Variants in PTPRN2 observed in about 807,000 individuals in gnomAD.
The protein encoded by PTPRN2 is protein tyrosine phosphatase receptor type N2, also known as receptor-type tyrosine-protein phosphatase N2.
In PTPRN2, 74 loss-of-function variants were observed where a neutral mutation model predicts 118.8. The ratio of observed to expected loss-of-function variants is 0.62; its 90% CI spans 0.52 to 0.76. The LOEUF is 0.76. Ranked by LOEUF, PTPRN2 falls within the 30% of genes least tolerant of loss-of-function variation. The probability of loss-of-function intolerance (pLI) is 0.00; values close to 1 mark genes in which losing one functional copy is unlikely to be tolerated. For synonymous variants in PTPRN2, 641 were observed against 608.0 expected, an observed-to-expected ratio of 1.05 and a Z score of -0.80; for missense variants, 1,481 against 1,394.4, an observed-to-expected ratio of 1.06 and a Z score of -0.99.
chr7:158,399,739 A>T (rs1293011703), intron 2 of PTPRN2, among the ~76,000 whole-genome samples: 1 of 152,178 alleles, frequency 6.6e-6, no homozygotes, highest in Admixed American at 6.5e-5. Flanking sequence ...AAAGAAAAAA[A>T]GTGTGACAAG....
chr7:158,159,182 T>C (rs1237353110), intron 6 of PTPRN2, among the ~76,000 whole-genome samples: 1 of 149,614 alleles, frequency 6.7e-6, no homozygotes, highest in African/African-American at 2.5e-5. Flanking sequence ...GCCCGTGTGA[T>C]TGGCCGGGAC....
At chr7:157,553,628 C>T (rs981244129) in intron 21 of PTPRN2, among the ~76,000 whole-genome samples, 5 of 152,064 alleles carry the variant, frequency 3.3e-5, no homozygotes, top group African/African-American at 7.2e-5. Context: ...GAGAACCGGG[C>T]GGAAATACAA....
intron 3 of PTPRN2, among the ~76,000 whole-genome samples, chr7:158,274,504 A>G (rs1798827370): frequency 7.3e-6 from 1 of 136,366 alleles, no homozygotes; most frequent in South Asian, 2.4e-4. Context: ...GCACAGGGGG[A>G]GCCACAGGCA....
At chr7:157,551,451 G>A (rs1798592644) in intron 21 of PTPRN2, among the ~76,000 whole-genome samples, 1 of 151,844 alleles carries the variant, frequency 6.6e-6, no homozygotes, top group African/African-American at 2.4e-5. Context: ...CCAAAGGAAG[G>A]CCGCTGGCCA....
chr7:158,274,323 A>G (rs1798790636), intron 3 of PTPRN2, among the ~76,000 whole-genome samples: 1 of 102,086 alleles, frequency 9.8e-6, no homozygotes, highest in Non-Finnish European at 1.9e-5. Flanking sequence ...CCGCAGCCAC[A>G]GGGGGAGCCG....
intron 11 of PTPRN2, among the ~76,000 whole-genome samples, chr7:157,908,770 T>A (rs1055200355): frequency 1.3e-5 from 2 of 152,250 alleles, no homozygotes; most frequent in African/African-American, 4.8e-5. Flanking sequence ...ATTTAAATAC[T>A]TTTGATTGAA....
At chr7:158,020,143 G>C (rs1806763298) in intron 11 of PTPRN2, among the ~76,000 whole-genome samples, 1 of 152,230 alleles carries the variant, frequency 6.6e-6, no homozygotes, top group Non-Finnish European at 1.5e-5. Flanking sequence ...CCAGAGCCCA[G>C]GTGGGGTGAC....
chr7:158,019,287 T>G (rs1322275546), intron 11 of PTPRN2, among the ~76,000 whole-genome samples: 2 of 152,264 alleles, frequency 1.3e-5, no homozygotes, highest in Non-Finnish European at 2.9e-5. Flanking sequence ...TTATTTTGTT[T>G]CAAGCATTAT....
intron 12 of PTPRN2, among the ~76,000 whole-genome samples, chr7:157,734,922 T>C (rs2150951294): frequency 6.6e-6 from 1 of 152,330 alleles, no homozygotes; most frequent in African/African-American, 2.4e-5. Context: ...CAAGTTGCTA[T>C]GGAGGAAACG....
rs1219700696 is a variant in PTPRN2 at position 157,905,279 on chromosome 7, AAAG to A, written c.1724-6545_1724-6543del. Among the ~76,000 whole-genome samples, 10 of 152,336 alleles carry A rather than the reference AAAG, an allele frequency of 6.6e-5. No homozygotes were observed. The South Asian group carries it at 8.3e-4, about 13-fold the overall frequency. On this transcript the variant is annotated intron_variant, in intron 11 of 22. Transcript: ENST00000389418. ...CTCTGCTGAACATGTTGAAGGAGGA[AAAG>A]AAGAAAAAGCCTGCTTCAGCCAGAT...
intron 2 of PTPRN2, among the ~76,000 whole-genome samples, chr7:158,466,350 ACTCT>A (rs1265702672): frequency 6.9e-6 from 1 of 145,834 alleles, no homozygotes; most frequent in Non-Finnish European, 1.5e-5. Context: ...CCAGCTTTCC[ACTCT>A]CTGTTTCTAT....
chr7:157,949,187 C>T (rs895618454), intron 11 of PTPRN2, among the ~76,000 whole-genome samples: 26 of 152,132 alleles, frequency 1.7e-4, no homozygotes, highest in African/African-American at 5.3e-4. Flanking sequence ...TATATGCTGT[C>T]GGTTAGGGAC....
At chr7:158,337,326 C>T (rs1356257345) in intron 2 of PTPRN2, among the ~76,000 whole-genome samples, 3 of 150,610 alleles carry the variant, frequency 2.0e-5, no homozygotes, top group African/African-American at 7.4e-5. Flanking sequence ...TTCACACCCA[C>T]ACTGTCACCC....
intron 2 of PTPRN2, among the ~76,000 whole-genome samples, chr7:158,329,586 C>A (rs1291066613): frequency 1.3e-5 from 2 of 152,214 alleles, no homozygotes; most frequent in African/African-American, 4.8e-5. Flanking sequence ...TCAACCCTGC[C>A]AGGGCGGTGA....
chr7:157,973,659 A>G (rs1225030327), intron 11 of PTPRN2, among the ~76,000 whole-genome samples: 1 of 152,262 alleles, frequency 6.6e-6, no homozygotes, highest in Non-Finnish European at 1.5e-5. Context: ...TCCTTGAATC[A>G]AAGCCCTAAT....
Position 157,866,375 on chromosome 7 carries a change from T to C in PTPRN2, c.1788+32298A>G, listed in dbSNP as rs1007664794. Among the ~76,000 whole-genome samples, 3 of 151,962 alleles carry C rather than the reference T, an allele frequency of 2.0e-5. No individual in the cohort carries two copies. The East Asian group carries it at 5.8e-4, about 29-fold the overall frequency. On this transcript the variant is annotated intron_variant, in intron 12 of 22. Coordinates refer to ENST00000389418, the MANE Select transcript of PTPRN2 (RefSeq NM_002847.5). ...ACATATATAAGCACACACATACACA[T>C]GAGCACACACACGTCCACATGTACA... is the stretch of plus-strand genomic sequence containing the variant.
chr7:158,400,948 G>C (rs1182361361), intron 2 of PTPRN2, among the ~76,000 whole-genome samples: 1 of 152,074 alleles, frequency 6.6e-6, no homozygotes, highest in African/African-American at 2.4e-5. Context: ...AACCTCACGA[G>C]GAAAGCCGAG....
At chr7:157,907,759 C>T (rs1797861560) in intron 11 of PTPRN2, among the ~76,000 whole-genome samples, 1 of 152,024 alleles carries the variant, frequency 6.6e-6, no homozygotes, top group Non-Finnish European at 1.5e-5. Context: ...CCGGGCTGGG[C>T]CTCAGGCTTC....
At chr7:158,498,728 T>G (rs774762633) in intron 1 of PTPRN2, among the ~76,000 whole-genome samples, 2 of 152,234 alleles carry the variant, frequency 1.3e-5, no homozygotes, top group Non-Finnish European at 2.9e-5. Context: ...TGAAAATCCT[T>G]GAACATTAAA....
Sources: gnomAD v4.1 joint callset for allele counts (sites outside exome capture counted in the v4.1 genomes callset) on GRCh38, gnomAD v4.1.1 for gene constraint, MANE v1.5 for transcripts, NCBI Gene and HGNC (gene_info 2026-07-23, HGNC 2026-07-21) for gene names.